The following CDH13 variants were observed in gnomAD, a reference collection of about 807,000 sequenced individuals.
CDH13 encodes cadherin-13.
CDH13 carries 24 observed loss-of-function variants against 63.8 expected under a neutral mutation model. The ratio of observed to expected loss-of-function variants is 0.38; its 90% CI spans 0.27 to 0.53. The LOEUF (loss-of-function observed/expected upper bound fraction) is 0.53, where lower values mean the gene tolerates loss of function less well. CDH13 is among the 20% of genes least tolerant of loss of function. The probability of loss-of-function intolerance (pLI) is 0.85; values close to 1 mark genes in which losing one functional copy is unlikely to be tolerated. For synonymous variants in CDH13, 503 were observed against 355.3 expected, an observed-to-expected ratio of 1.42 and a Z score of -4.67; for missense variants, 1,049 against 903.1, an observed-to-expected ratio of 1.16 and a Z score of -2.07.
chr16:83,114,108 G>A (rs907807270), intron 3 of CDH13, among the ~76,000 whole-genome samples: 2 of 152,124 alleles, frequency 1.3e-5, no homozygotes, highest in African/African-American at 4.8e-5. Context: ...TTTTCTACCC[G>A]AAGCATATCT....
chr16:82,645,381 C>G (rs1909969733), intron 1 of CDH13, among the ~76,000 whole-genome samples: 1 of 152,170 alleles, frequency 6.6e-6, no homozygotes. Context: ...GTGCTTGTTT[C>G]TGAAGTGTAG....
chr16:83,399,154 A>C (rs568267899), intron 6 of CDH13, among the ~76,000 whole-genome samples: 1 of 152,248 alleles, frequency 6.6e-6, no homozygotes, highest in Non-Finnish European at 1.5e-5. Flanking sequence ...AGAACAGTTA[A>C]TTCTGGACTC....
chr16:83,499,925 C>T (rs2074232007), intron 7 of CDH13, among the ~76,000 whole-genome samples: 1 of 152,200 alleles, frequency 6.6e-6, no homozygotes. Flanking sequence ...GCTTCAGCCT[C>T]CCAAGTAGCT....
chr16:83,107,260 G>A (rs533072705), intron 3 of CDH13, among the ~76,000 whole-genome samples: 172 of 152,334 alleles, frequency 1.1e-3, no homozygotes, highest in Middle Eastern at 6.8e-3. Context: ...TCTGGCCAGA[G>A]AAACCAGGAA....
intron 6 of CDH13, among the ~76,000 whole-genome samples, chr16:83,384,102 T>G (rs1438132523): frequency 3.3e-5 from 5 of 152,226 alleles, no homozygotes; most frequent in Admixed American, 1.3e-4. Flanking sequence ...ACATTAAATT[T>G]AAAACACAAG....
At chr16:83,717,414 C>A (rs1039607089) in intron 10 of CDH13, among the ~76,000 whole-genome samples, 3 of 152,188 alleles carry the variant, frequency 2.0e-5, no homozygotes, top group Middle Eastern at 3.2e-3. Flanking sequence ...TCTGAACTGC[C>A]TGGTTCACCG....
At chr16:83,506,997 T>C (rs2074412023) in intron 7 of CDH13, among the ~76,000 whole-genome samples, 2 of 152,358 alleles carry the variant, frequency 1.3e-5, no homozygotes, top group Middle Eastern at 3.4e-3. Context: ...TAAATGTTTT[T>C]AGTTGCTTTA....
At chr16:83,060,753 A>G (rs961151352) in intron 3 of CDH13, among the ~76,000 whole-genome samples, 7 of 152,220 alleles carry the variant, frequency 4.6e-5, no homozygotes, top group African/African-American at 1.7e-4. Flanking sequence ...TTTTAAAAGC[A>G]GGTAATAACT....
chr16:83,416,251 A>T (rs1031890567), intron 6 of CDH13, among the ~76,000 whole-genome samples: 1 of 152,216 alleles, frequency 6.6e-6, no homozygotes, highest in Non-Finnish European at 1.5e-5. Flanking sequence ...ATTTTAAAAG[A>T]CACAAACAGA....
At chr16:83,240,033 A>G (rs945320987) in intron 5 of CDH13, among the ~76,000 whole-genome samples, 1 of 152,208 alleles carries the variant, frequency 6.6e-6, no homozygotes, top group Admixed American at 6.5e-5. Flanking sequence ...ACAGCCAGCA[A>G]GATGGTGGAG....
chr16:83,169,934 T>G (rs1702324632), intron 4 of CDH13, among the ~76,000 whole-genome samples: 1 of 152,166 alleles, frequency 6.6e-6, no homozygotes, highest in African/African-American at 2.4e-5. Flanking sequence ...CTTCAGTCCC[T>G]CTAGATCTTA....
chr16:83,430,870 G>A (rs1266841639), intron 6 of CDH13, among the ~76,000 whole-genome samples: 1 of 151,602 alleles, frequency 6.6e-6, no homozygotes, highest in Non-Finnish European at 1.5e-5. Context: ...ACATTGTGCA[G>A]GTTAGTTACA....
chr16:83,520,131 T>G (rs1045677574), intron 7 of CDH13, among the ~76,000 whole-genome samples: 2 of 152,082 alleles, frequency 1.3e-5, no homozygotes, highest in African/African-American at 4.8e-5. Flanking sequence ...TTCAAAATGG[T>G]AGCCCCAGTC....
chr16:83,387,333 C>G (rs1597893993), intron 6 of CDH13, among the ~76,000 whole-genome samples: 1 of 152,184 alleles, frequency 6.6e-6, no homozygotes, highest in Non-Finnish European at 1.5e-5. Flanking sequence ...CCACTGAGAA[C>G]TAATTGCCTG....
At chr16:83,189,389 A>C (rs2038625390) in intron 4 of CDH13, among the ~76,000 whole-genome samples, 1 of 152,170 alleles carries the variant, frequency 6.6e-6, no homozygotes, top group African/African-American at 2.4e-5. Flanking sequence ...TCCTCATGCT[A>C]TTCTCAACCT....
chr16:82,669,367 G>A (rs561353376), intron 1 of CDH13, among the ~76,000 whole-genome samples: 2 of 152,276 alleles, frequency 1.3e-5, no homozygotes, highest in South Asian at 4.1e-4. Context: ...AATGGACGCA[G>A]GTACAATATA....
chr16:82,870,724 C>G (rs943210305), intron 2 of CDH13, among the ~76,000 whole-genome samples: 5 of 152,150 alleles, frequency 3.3e-5, no homozygotes, highest in African/African-American at 1.2e-4. Flanking sequence ...CATAGTATAT[C>G]TGTATCAAAA....
At chr16:83,481,687 T>C (rs920964898) in intron 6 of CDH13, among the ~76,000 whole-genome samples, 2 of 152,108 alleles carry the variant, frequency 1.3e-5, no homozygotes, top group Admixed American at 6.5e-5. Context: ...GATGTTTTCT[T>C]CCCCCTTTGG....
At chr16:83,507,281 T>C (rs1466806700) in intron 7 of CDH13, among the ~76,000 whole-genome samples, 2 of 152,234 alleles carry the variant, frequency 1.3e-5, no homozygotes, top group East Asian at 3.9e-4. Flanking sequence ...TCTAGGCTTC[T>C]TGAGAAAGTT....
Sources: gnomAD v4.1 joint callset for allele counts (sites outside exome capture counted in the v4.1 genomes callset) on GRCh38, gnomAD v4.1.1 for gene constraint, MANE v1.5 for transcripts, NCBI Gene and HGNC (gene_info 2026-07-23, HGNC 2026-07-21) for gene names.